Variants in MPP4 observed in about 807,000 individuals in gnomAD.
The protein encoded by MPP4 is MAGUK p55 scaffold protein 4.
In MPP4, 91 loss-of-function variants were observed where a neutral mutation model predicts 98.3. The observed-to-expected ratio is 0.93, with a 90% CI of 0.78 to 1.10. The LOEUF is 1.10. Among genes scored for constraint, MPP4 ranks in the 50% least tolerant of loss-of-function variants. The probability of loss-of-function intolerance (pLI) is 0.00; values close to 1 mark genes in which losing one functional copy is unlikely to be tolerated. For missense variants in MPP4, 744 were observed against 792.9 expected, an observed-to-expected ratio of 0.94 and a Z score of 0.74; for synonymous variants, 261 against 271.8, an observed-to-expected ratio of 0.96 and a Z score of 0.39.
chr2:201,691,187 GT>G (rs1311546885), intron 3 of MPP4, among the ~76,000 whole-genome samples: 2 of 152,210 alleles, frequency 1.3e-5, no homozygotes, highest in Non-Finnish European at 2.9e-5. Flanking sequence ...AGCTGATCCT[GT>G]GGGAAAATGC....
At chr2:201,666,225 T>C (rs1688170261) in intron 13 of MPP4, 109 bp downstream of exon 13, 1 of 835,440 alleles carries the variant, frequency 1.2e-6, no homozygotes, top group East Asian at 3.1e-5. Context: ...TTTTACACAT[T>C]TCTAGAGGAA....
chr2:201,645,351 A>G lies in MPP4; in HGVS notation c.1773T>C (p.Phe591=), dbSNP rs766711689. 6.2e-7 allele frequency: 1 copy of G among 1,614,000 alleles called. No individual in the cohort carries two copies. The highest frequency in any genetic ancestry group is 1.1e-5 in the South Asian group (1 of 91,084). Residue 591 remains phenylalanine, a synonymous_variant, in exon 22 of 22, where the codon TTT becomes TTC. Transcript: ENST00000409474. ...CAATCACATGATCAAAAAATTGGCC[A>G]AACTGAGTTTCCATTCTTTGGGCTA... The part of the protein sequence containing the change: ...ENLAQRMETQ[F]GQFFDHVIVN...
chr2:201,661,164 G>C (rs1015417596), intron 14 of MPP4, among the ~76,000 whole-genome samples: 1 of 148,648 alleles, frequency 6.7e-6, no homozygotes, highest in African/African-American at 2.5e-5. Flanking sequence ...CAAGTGATCT[G>C]CCTGCCTCGG....
rs1450641109 is a variant in MPP4, at chr2:201,649,700, A to C, written c.1476-16T>G. 6.4e-7 allele frequency: 1 copy of C among 1,564,074 alleles called. No homozygotes were observed. The highest frequency in any genetic ancestry group is 1.3e-5 in the African/African-American group (1 of 74,110). On this transcript the variant is annotated splice_polypyrimidine_tract_variant and intron_variant, in intron 19 of 21. Transcript: ENST00000409474. ...CTCCAGCATCCTGCAAGAGCAGGCC[A>C]AACAAAACAGAACACTTTCTACAAG...
Position 201,656,332 on chromosome 2 carries a change from T to A in MPP4, c.1166A>T (p.Lys389Met). Reference sequence around the variant, plus strand: ...GGCATGCAGCGGGCTGAGGTGAGACTTCCTGCGACAAAGGCGCATGCTGCG... The same window carrying A: ...GGCATGCAGCGGGCTGAGGTGAGACATCCTGCGACAAAGGCGCATGCTGCG... ...FRRSMRLCRRKSHLSPLHASV... is the reference protein window; with the variant it reads ...FRRSMRLCRRMSHLSPLHASV... The change falls in exon 17 of 22, where the codon AAG becomes ATG. Residue 389 changes from lysine to methionine, a missense_variant. Coordinates refer to ENST00000409474, the MANE Select transcript of MPP4 (RefSeq NM_033066.3). The A allele has an allele frequency of 6.4e-7, 1 of 1,556,322 alleles. No individual in the cohort carries two copies.
At chr2:201,662,415 C>G (rs2105921663) in intron 14 of MPP4, among the ~76,000 whole-genome samples, 1 of 146,504 alleles carries the variant, frequency 6.8e-6, no homozygotes, top group South Asian at 2.1e-4. Flanking sequence ...GCACAAGAAT[C>G]ACTTGAGCCT....
chr2:201,681,072 C>T (rs1281628377), intron 9 of MPP4, 38 bp from the exon 10 acceptor site: 1 of 1,586,716 alleles, frequency 6.3e-7, no homozygotes, highest in Non-Finnish European at 8.6e-7. Context: ...CAGAAGGTGC[C>T]TAATGGTGCC....
intron 4 of MPP4, among the ~76,000 whole-genome samples, 172 bp downstream of exon 4, chr2:201,690,030 A>C (rs757965930): frequency 2.2e-4 from 34 of 152,178 alleles, no homozygotes; most frequent in Non-Finnish European, 4.4e-4. Context: ...TAATTTGGGG[A>C]GATACCCAGC....
At chr2:201,651,514 G>C (rs1229727910) in intron 18 of MPP4, 1 of 985,176 alleles carries the variant, frequency 1.0e-6, no homozygotes. Flanking sequence ...TATAACTCGA[G>C]GTATCCATTT....
In MPP4 at chr2:201,692,974, T is replaced by G; in HGVS notation, c.135A>C (p.Arg45Ser). The G allele has an allele frequency of 6.2e-7, 1 of 1,613,134 alleles. No individual in the cohort carries two copies. Among genetic ancestry groups the G allele is most frequent in the Non-Finnish European group, 8.5e-7 (1 of 1,179,624 alleles). ...ACAAGAGACACACTCCATTCACATC[T>G]CTGCCGTAGAACAGACTCAGCTCTT... ...VLQELSLFYG[R>S]DVNGVCLLYD... The change falls in exon 3 of 22, where the codon AGA becomes AGC. Residue 45 changes from arginine to serine, a missense_variant. Arg to Ser is a moderately radical substitution (Grantham distance 110, BLOSUM62 -1). Coordinates refer to ENST00000409474, the MANE Select transcript of MPP4 (RefSeq NM_033066.3).
At position 201,645,133 on chromosome 2, in the gene MPP4, A is replaced by G. The variant is rs551806827; in HGVS notation, c.*77T>C. 2.4e-6 allele frequency: 3 copies of G among 1,274,004 alleles called. No individual in the cohort carries two copies. The South Asian group carries it at 5.3e-5, about 23-fold the overall frequency. The allele number at this position is 1,274,004 out of a possible 1,614,324, so 78.9% of individuals were successfully genotyped here. On this transcript the variant is annotated 3_prime_UTR_variant, in exon 22 of 22. Transcript: ENST00000409474. Reference sequence around the variant, plus strand: ...TTGTACACATTAAAATGGGTCAAATACTGTTGTTTTAGATTGCAACTATGG... The same window carrying G: ...TTGTACACATTAAAATGGGTCAAATGCTGTTGTTTTAGATTGCAACTATGG...
At chr2:201,682,970 TAGC>T in intron 7 of MPP4, 54 bp from the exon 8 acceptor site, 1 of 1,374,258 alleles carries the variant, frequency 7.3e-7, no homozygotes, top group Non-Finnish European at 1.0e-6. Context: ...AGGATAAAAA[TAGC>T]AGTAGCTACC....
In MPP4 at chr2:201,650,015, C is replaced by T. The variant is rs6714389; in HGVS notation, c.1475+57G>A. The T allele has an allele frequency of 3.5e-3, 5,017 of 1,450,932 alleles. 188 individuals carry two copies. In the African/African-American group the frequency reaches 0.064, roughly 18 times the overall value. The allele number at this position is 1,450,932 out of a possible 1,614,324, so 89.9% of individuals were successfully genotyped here. ...TGGAAAATACATAAAAATAGGGAAT[C>T]TATTTCAAATGTAAAACAACAAGAG... On this transcript the variant is annotated intron_variant, in intron 19 of 21. Transcript: ENST00000409474.
At position 201,649,939 on chromosome 2, in the gene MPP4, G is replaced by A. The variant is rs116584478; in HGVS notation, c.1475+133C>T. The A allele has an allele frequency of 3.7e-4, 339 of 908,110 alleles. 1 individual carries two copies. The African/African-American group carries it at 5.4e-3, about 14-fold the overall frequency. The allele number at this position is 908,110 out of a possible 1,614,324, so 56.3% of individuals were successfully genotyped here. A position where few individuals can be genotyped will look rare whatever the true frequency, so the allele number is the denominator to read the frequency against. ...GTGAGTTGGTGTGCTGTATATCGAT[G>A]TACATTTCTTGCTTAACTCCTCAGA... On this transcript the variant is annotated intron_variant, in intron 19 of 21. Coordinates refer to ENST00000409474, the MANE Select transcript of MPP4 (RefSeq NM_033066.3).
At position 201,676,657 on chromosome 2, in the gene MPP4, T is replaced by C. The variant is rs530834256; in HGVS notation, c.930-1386A>G. ...GCTCACGCCTGTAATCCCAGCACTT[T>C]GGGAGGCCGAGGCAGGCAGATCACC... On this transcript the variant is annotated intron_variant, in intron 10 of 21. Coordinates refer to ENST00000409474, the MANE Select transcript of MPP4 (RefSeq NM_033066.3). Among the ~76,000 whole-genome samples the C allele has an allele frequency of 6.8e-4, 104 of 152,342 alleles. 6 individuals carry two copies. The highest frequency in any genetic ancestry group is 2.0e-4 in the Admixed American group (3 of 15,306).
In MPP4 at chr2:201,647,758, C is replaced by T. The variant is rs374517920; in HGVS notation, c.1652G>A (p.Arg551Lys). ...ATTTTTCCGAGATTGTTTCATACAC[C>T]TCATATTCGATGGCTTTATAAATAT... is the stretch of plus-strand genomic sequence containing the variant. The part of the protein sequence containing the change: ...YVIFIKPSNM[R>K]CMKQSRKNAK... The change falls in exon 21 of 22, where the codon AGG (arginine) becomes AAG (lysine). Residue 551 changes from arginine (R) to lysine (K), a missense_variant. By Grantham distance (26) the Arg-to-Lys change is conservative. Coordinates refer to ENST00000409474, the MANE Select transcript of MPP4 (RefSeq NM_033066.3). The T allele has an allele frequency of 2.5e-5, 41 of 1,613,716 alleles. No individual in the cohort carries two copies. In the African/African-American group the frequency reaches 5.2e-4, roughly 20 times the overall value.
chr2:201,694,057 G>A lies in MPP4; in HGVS notation c.-100-3C>T. 1 of 1,605,564 alleles carries A rather than the reference G, an allele frequency of 6.2e-7. No individual in the cohort carries two copies. The highest frequency in any genetic ancestry group is 1.1e-5 in the South Asian group (1 of 90,464). ...ACTGGCCACCAGCTCTCAGCACACT[G>A]GAATATATTTTCAATAGCATTTCCT... On this transcript the variant is annotated splice_region_variant and splice_polypyrimidine_tract_variant and intron_variant, in intron 1 of 21. Transcript: ENST00000409474.
chr2:201,675,076 A>G, intron 11 of MPP4, 131 bp downstream of exon 11: 1 of 1,059,422 alleles, frequency 9.4e-7, no homozygotes, highest in Non-Finnish European at 1.4e-6. Flanking sequence ...CTTCAAGGAG[A>G]TTGATTTAAA....
At chr2:201,661,654 G>A (rs1688030247) in intron 14 of MPP4, 1 of 454,444 alleles carries the variant, frequency 2.2e-6, no homozygotes, top group Non-Finnish European at 4.4e-6. Flanking sequence ...CACTTCCTGT[G>A]TACCAGGCAC....
Sources: gnomAD v4.1 joint callset for allele counts (sites outside exome capture counted in the v4.1 genomes callset) on GRCh38, gnomAD v4.1.1 for gene constraint, MANE v1.5 for transcripts, NCBI Gene and HGNC (gene_info 2026-07-23, HGNC 2026-07-21) for gene names.